The following ZNF365 variants were observed in gnomAD, a reference collection of about 807,000 sequenced individuals.
ZNF365 encodes protein ZNF365.
In ZNF365, 22 loss-of-function variants were observed where a neutral mutation model predicts 35.0. That is an observed-to-expected ratio of 0.63 (90% CI 0.45 to 0.90). The LOEUF is 0.90. Among genes scored for constraint, ZNF365 ranks in the 40% least tolerant of loss-of-function variants. The pLI is 0.00. For missense variants in ZNF365, 448 were observed against 500.3 expected (o/e 0.90, Z 1.00); for synonymous variants, 188 against 196.2 (o/e 0.96, Z 0.35).
intron 3 of ZNF365, among the ~76,000 whole-genome samples, chr10:62,450,319 C>A (rs757829613): frequency 6.6e-6 from 1 of 152,112 alleles, no homozygotes; most frequent in African/African-American, 2.4e-5. Flanking sequence ...TCATTCCATA[C>A]GTCGCGAAAT....
intron 3 of ZNF365, among the ~76,000 whole-genome samples, chr10:62,421,510 G>A (rs1244552766): frequency 1.3e-5 from 2 of 152,096 alleles, no homozygotes; most frequent in Non-Finnish European, 1.5e-5. Context: ...ACCCAAGTCC[G>A]TATCACGTAA....
At chr10:62,479,464 A>G (rs900153697) in intron 4 of ZNF365, among the ~76,000 whole-genome samples, 5 of 152,348 alleles carry the variant, frequency 3.3e-5, no homozygotes, top group Non-Finnish European at 7.3e-5. Context: ...TTTCTTAAAT[A>G]GAAATCTTGC....
At chr10:62,404,874 G>C (rs1238767253), downstream of ZNF365, among the ~76,000 whole-genome samples, 1 of 152,138 alleles carries the variant, frequency 6.6e-6, no homozygotes, top group Non-Finnish European at 1.5e-5. Flanking sequence ...ACTGACTTGG[G>C]CTTTGCAAAG....
intron 4 of ZNF365, 107 bp from the exon 5 acceptor site, chr10:62,399,421 G>C: frequency 6.7e-7 from 1 of 1,484,324 alleles, no homozygotes; most frequent in South Asian, 1.3e-5. Flanking sequence ...TATCACCACT[G>C]TAGCATGTAG....
chr10:62,471,137 C>T (rs534023307), intron 4 of ZNF365, among the ~76,000 whole-genome samples: 7 of 151,954 alleles, frequency 4.6e-5, no homozygotes, highest in South Asian at 2.1e-4. Flanking sequence ...GAGGCCAAGG[C>T]GGGCGGATCA....
Position 62,400,162 on chromosome 10 carries a change from T to C in ZNF365, c.*373T>C, listed in dbSNP as rs1181478587. The C allele has an allele frequency of 9.8e-7, 1 of 1,021,982 alleles. No homozygotes were observed. The highest frequency in any genetic ancestry group is 1.7e-5 in the African/African-American group (1 of 58,592). 63.3% of individuals were successfully genotyped at this position (1,021,982 alleles called of 1,614,324 possible). ...ATGTCAGGCCTAGGGAGAAAATTCA[T>C]CTGTGCCCACTGCTCTCCAAAGTGC... On this transcript the variant is annotated 3_prime_UTR_variant, in exon 5 of 5. Transcript: ENST00000395254.
intron 4 of ZNF365, among the ~76,000 whole-genome samples, chr10:62,464,400 A>G (rs1840898360): frequency 6.6e-6 from 1 of 152,186 alleles, no homozygotes; most frequent in Non-Finnish European, 1.5e-5. Context: ...ATTTGTCTCC[A>G]TTGTTGGAAT....
chr10:62,458,497 C>CACACATAT (rs59462069), intron 3 of ZNF365, among the ~76,000 whole-genome samples: 1 of 141,264 alleles, frequency 7.1e-6, no homozygotes, highest in Non-Finnish European at 1.5e-5. Context: ...CACACACACA[C>CACACATAT]ATATATATAT....
At chr10:62,421,315 C>T (rs978784785) in intron 3 of ZNF365, among the ~76,000 whole-genome samples, 1 of 152,104 alleles carries the variant, frequency 6.6e-6, no homozygotes, top group Admixed American at 6.5e-5. Flanking sequence ...GTTACCTGGC[C>T]TTTACCAAAA....
intron 3 of ZNF365, among the ~76,000 whole-genome samples, chr10:62,390,056 T>G (rs1839601381): frequency 6.6e-6 from 1 of 151,998 alleles, no homozygotes; most frequent in Non-Finnish European, 1.5e-5. Context: ...CCTGCCCTCT[T>G]AAGAGAGGGT....
chr10:62,461,709 A>G (rs1047452721), intron 4 of ZNF365, among the ~76,000 whole-genome samples: 1 of 152,240 alleles, frequency 6.6e-6, no homozygotes, highest in Non-Finnish European at 1.5e-5. Flanking sequence ...CGCGGACTTC[A>G]ATGTGCTCCA....
chr10:62,433,082 C>T (rs914963043), intron 3 of ZNF365, among the ~76,000 whole-genome samples: 1 of 152,198 alleles, frequency 6.6e-6, no homozygotes, highest in Non-Finnish European at 1.5e-5. Flanking sequence ...ACTTCAAATT[C>T]ATCCTAGATC....
intron 2 of ZNF365, among the ~76,000 whole-genome samples, chr10:62,381,752 G>C (rs1315449636): frequency 6.6e-6 from 1 of 152,124 alleles, no homozygotes; most frequent in African/African-American, 2.4e-5. Flanking sequence ...TGCTTAATCG[G>C]GGTAGGGCTT....
intron 3 of ZNF365, among the ~76,000 whole-genome samples, chr10:62,443,062 C>G (rs1840528057): frequency 6.6e-6 from 1 of 152,208 alleles, no homozygotes; most frequent in South Asian, 2.1e-4. Context: ...TCACCGGACA[C>G]TCTGTTTAGT....
chr10:62,408,833 C>T (rs2893900), intron 3 of ZNF365, among the ~76,000 whole-genome samples: 7,432 of 152,120 alleles, frequency 0.049, 338 homozygotes, highest in African/African-American at 0.11. Context: ...TATCTTGATG[C>T]GTTGGTTTTG....
At chr10:62,383,394 A>G (rs928611675) in intron 2 of ZNF365, among the ~76,000 whole-genome samples, 2 of 152,218 alleles carry the variant, frequency 1.3e-5, no homozygotes, top group African/African-American at 4.8e-5. Flanking sequence ...CTCCCTGGCA[A>G]GAGAGTCTGA....
intron 4 of ZNF365, among the ~76,000 whole-genome samples, chr10:62,463,367 G>A (rs1011672389): frequency 6.6e-6 from 1 of 152,176 alleles, no homozygotes; most frequent in Non-Finnish European, 1.5e-5. Context: ...TGGCAATCAC[G>A]TTTTCTGTTC....
intron 3 of ZNF365, among the ~76,000 whole-genome samples, chr10:62,390,254 G>A (rs10995140): frequency 2.6e-5 from 4 of 152,158 alleles, no homozygotes; most frequent in African/African-American, 7.2e-5. Context: ...ACTTGTGTGA[G>A]CATCACCTGA....
rs1291180484 is a variant in ZNF365 at position 62,376,439 on chromosome 10, G to C, written c.246G>C (p.Pro82=). ...DLVTSSELLK[P]GKLQSSGNVV... is the part of the protein sequence containing the mutation. ...TCACTTCCTCAGAACTCCTGAAACC[G>C]GGAAAATTGCAGAGCAGTGGCAACG... is the stretch of plus-strand genomic sequence containing the variant. Residue 82 remains proline, a synonymous_variant, in exon 2 of 5, where the codon CCG becomes CCC. Transcript: ENST00000395254. 8.7e-6 allele frequency: 14 copies of C among 1,614,114 alleles called. No individual in the cohort carries two copies. Among genetic ancestry groups the C allele is most frequent in the Admixed American group, 3.3e-5 (2 of 60,018 alleles).
Sources: gnomAD v4.1 joint callset for allele counts (sites outside exome capture counted in the v4.1 genomes callset) on GRCh38, gnomAD v4.1.1 for gene constraint, MANE v1.5 for transcripts, NCBI Gene and HGNC (gene_info 2026-07-23, HGNC 2026-07-21) for gene names.